KIAA0825: variants seen among roughly 807,000 people sequenced by gnomAD.
KIAA0825 encodes the protein uncharacterized protein KIAA0825.
In KIAA0825, 119 loss-of-function variants were observed where a neutral mutation model predicts 147.6. The observed-to-expected ratio is 0.81, with a 90% CI of 0.69 to 0.94. The LOEUF (loss-of-function observed/expected upper bound fraction) is 0.94. Ranked by LOEUF, KIAA0825 falls within the 40% of genes least tolerant of loss-of-function variation. KIAA0825 has a pLI of 0.00. For missense variants in KIAA0825, 1,381 were observed against 1,472.7 expected (o/e 0.94, Z 1.02); for synonymous variants, 470 against 518.1 (o/e 0.91, Z 1.26).
intron 1 of KIAA0825, among the ~76,000 whole-genome samples, chr5:94,603,036 C>G (rs1405326855): frequency 6.6e-6 from 1 of 151,996 alleles, no homozygotes; most frequent in Non-Finnish European, 1.5e-5. Flanking sequence ...ACCATCTTGG[C>G]CAGGCTGGTC....
intron 8 of KIAA0825, 88 bp from the exon 9 acceptor site, chr5:94,471,819 T>G: frequency 8.4e-7 from 1 of 1,183,830 alleles, no homozygotes; most frequent in Non-Finnish European, 1.2e-6. Context: ...TCCTAAATAA[T>G]GAATTTGGCA....
chr5:94,616,140 T>C (rs1790415907), intron 1 of KIAA0825, among the ~76,000 whole-genome samples: 1 of 152,176 alleles, frequency 6.6e-6, no homozygotes, highest in Admixed American at 6.5e-5. Context: ...TGAAATTTGA[T>C]AGCAAAATAT....
intron 6 of KIAA0825, 77 bp downstream of exon 6, chr5:94,484,682 TCAAGTAATCG>T: frequency 1.1e-6 from 1 of 879,448 alleles, no homozygotes; most frequent in Non-Finnish European, 1.6e-6. Context: ...TGTGTTTTTT[TCAAGTAATCG>T]TTTTCATTCA....
Position 94,507,176 on chromosome 5 carries a change from G to A in KIAA0825, c.970+13072C>T, listed in dbSNP as rs538692385. Among the ~76,000 whole-genome samples the A allele has an allele frequency of 3.1e-4, 47 of 152,206 alleles. No homozygotes were observed. In the Middle Eastern group the frequency reaches 0.014, roughly 44 times the overall value. On this transcript the variant is annotated intron_variant, in intron 5 of 20. Transcript: ENST00000682413. ...TTAAAAACTGACAGAATGGCTGAGC[G>A]CGGTGGCTCACGCCTGTAATCCCAG...
chr5:94,185,626 C>T (rs886182208), intron 20 of KIAA0825, among the ~76,000 whole-genome samples: 9 of 152,174 alleles, frequency 5.9e-5, no homozygotes, highest in African/African-American at 2.2e-4. Flanking sequence ...GCTCTCCATT[C>T]ACCACAGCAG....
chr5:94,426,557 G>A (rs565922330), intron 14 of KIAA0825, among the ~76,000 whole-genome samples: 68 of 152,268 alleles, frequency 4.5e-4, no homozygotes, highest in Admixed American at 2.7e-3. Flanking sequence ...TTGGAATAGC[G>A]TGCGGGTCAG....
At chr5:94,307,496 C>T (rs983142604) in intron 20 of KIAA0825, among the ~76,000 whole-genome samples, 1 of 151,776 alleles carries the variant, frequency 6.6e-6, no homozygotes, top group Admixed American at 6.6e-5. Context: ...CCCACTGTGA[C>T]CTGGTTCCAA....
At chr5:94,418,639 G>A (rs1227910626) in intron 14 of KIAA0825, among the ~76,000 whole-genome samples, 1 of 152,034 alleles carries the variant, frequency 6.6e-6, no homozygotes, top group Non-Finnish European at 1.5e-5. Flanking sequence ...TAGGATTTTT[G>A]CTAGAATTGT....
At chr5:94,519,316 A>G (rs1002239966) in intron 5 of KIAA0825, 1 of 905,950 alleles carries the variant, frequency 1.1e-6, no homozygotes, top group African/African-American at 1.8e-5. Context: ...TAATTCACCA[A>G]ATAATAATTT....
At chr5:94,452,739 T>C (rs1427772441) in intron 13 of KIAA0825, among the ~76,000 whole-genome samples, 2 of 152,152 alleles carry the variant, frequency 1.3e-5, no homozygotes, top group Non-Finnish European at 2.9e-5. Flanking sequence ...TTCCATTACA[T>C]CACGAAAGCT....
intron 1 of KIAA0825, among the ~76,000 whole-genome samples, chr5:94,590,783 A>G (rs1021570342): frequency 6.6e-6 from 1 of 152,240 alleles, no homozygotes; most frequent in Non-Finnish European, 1.5e-5. Flanking sequence ...GGAAAGGCAA[A>G]TGTGTGTGAT....
intron 13 of KIAA0825, among the ~76,000 whole-genome samples, chr5:94,450,366 A>G (rs867067406): frequency 1.4e-5 from 2 of 145,814 alleles, no homozygotes; most frequent in Non-Finnish European, 1.5e-5. Context: ...TCACCCAGCA[A>G]GTTTGGGGAA....
intron 20 of KIAA0825, among the ~76,000 whole-genome samples, chr5:94,359,934 C>G (rs1015026688): frequency 1.3e-5 from 2 of 152,170 alleles, no homozygotes; most frequent in East Asian, 3.9e-4. Context: ...GCAGACATTG[C>G]TAATTGATTA....
At chr5:94,508,350 AT>A (rs927872309) in intron 5 of KIAA0825, among the ~76,000 whole-genome samples, 1 of 152,106 alleles carries the variant, frequency 6.6e-6, no homozygotes, top group African/African-American at 2.4e-5. Flanking sequence ...GCTTGCTAGC[AT>A]TTTTTTAACA....
chr5:94,618,072 A>G (rs1791056096), intron 1 of KIAA0825: 1 of 152,264 alleles, frequency 6.6e-6, no homozygotes, highest in Admixed American at 6.5e-5. Context: ...AATGTTTGTA[A>G]AAGATGTCTT....
At chr5:94,330,111 C>T (rs1204268871) in intron 20 of KIAA0825, among the ~76,000 whole-genome samples, 1 of 152,094 alleles carries the variant, frequency 6.6e-6, no homozygotes, top group Non-Finnish European at 1.5e-5. Flanking sequence ...ATATATGTAA[C>T]AAAATTTCTC....
intron 20 of KIAA0825, among the ~76,000 whole-genome samples, chr5:94,359,922 TG>T (rs1237304607): frequency 1.3e-5 from 2 of 152,218 alleles, no homozygotes; most frequent in African/African-American, 2.4e-5. Context: ...TTCTTGTCTG[TG>T]GCAGACATTG....
intron 1 of KIAA0825, chr5:94,593,471 TAC>T (rs1443781396): frequency 1.0e-5 from 7 of 682,354 alleles, no homozygotes; most frequent in African/African-American, 3.6e-5. Flanking sequence ...AAAAGAATGG[TAC>T]AGTTTCTTCG....
chr5:94,156,837 T>C (rs1045453635), intron 20 of KIAA0825, among the ~76,000 whole-genome samples: 4 of 152,214 alleles, frequency 2.6e-5, no homozygotes, highest in African/African-American at 9.6e-5. Flanking sequence ...GTTTTACTCA[T>C]ATTGAATGAA....
Sources: allele counts gnomAD v4.1 joint callset (sites outside exome capture counted in the v4.1 genomes callset), GRCh38; gene constraint gnomAD v4.1.1; transcripts MANE v1.5; gene names NCBI Gene and HGNC (gene_info 2026-07-23, HGNC 2026-07-21).